The following OBI1 variants were observed in gnomAD, a reference collection of about 807,000 sequenced individuals.
OBI1 encodes ring finger protein 219.
Under a neutral mutation model 62.4 loss-of-function variants are expected in OBI1, and 59 were observed. That is an observed-to-expected ratio of 0.95 (90% CI 0.77 to 1.17). The LOEUF is 1.17. Ranked by LOEUF, OBI1 falls within the 50% of genes most tolerant of loss-of-function variation. OBI1 has a pLI of 0.00. For missense variants in OBI1, 875 were observed against 830.9 expected (o/e 1.05, Z -0.65); for synonymous variants, 302 against 292.8 (o/e 1.03, Z -0.32).
intron 1 of OBI1, among the ~76,000 whole-genome samples, chr13:78,656,800 T>TAA (rs1345386583): frequency 2.2e-4 from 31 of 140,176 alleles, no homozygotes; most frequent in Non-Finnish European, 2.5e-4. Flanking sequence ...TAATTTTTTT[T>TAA]TTTTTTTTTT....
intron 5 of OBI1, among the ~76,000 whole-genome samples, chr13:78,631,895 TG>T (rs1232346789): frequency 1.3e-5 from 2 of 152,158 alleles, no homozygotes; most frequent in African/African-American, 4.8e-5. Flanking sequence ...ATTATGGTAT[TG>T]TTTTTAAAAG....
intron 5 of OBI1, among the ~76,000 whole-genome samples, chr13:78,623,722 G>C (rs1875583294): frequency 6.6e-6 from 1 of 152,138 alleles, no homozygotes; most frequent in African/African-American, 2.4e-5. Flanking sequence ...AATGAACTAG[G>C]ATTCTTGTGC....
intron 1 of OBI1, among the ~76,000 whole-genome samples, chr13:78,650,743 C>CA (rs749761411): frequency 0.034 from 4,319 of 128,404 alleles, 97 homozygotes; most frequent in African/African-American, 0.07. Context: ...AGCAATCCCT[C>CA]AAAAAAAAAA....
chr13:78,627,481 G>T (rs1388511707), intron 5 of OBI1, among the ~76,000 whole-genome samples: 4 of 152,034 alleles, frequency 2.6e-5, no homozygotes, highest in African/African-American at 9.7e-5. Flanking sequence ...CTGTGTCCAT[G>T]TGCTCTCAAT....
chr13:78,623,649 C>T (rs1010271974), intron 5 of OBI1, among the ~76,000 whole-genome samples: 1 of 152,102 alleles, frequency 6.6e-6, no homozygotes, highest in African/African-American at 2.4e-5. Flanking sequence ...ATATCAGTAC[C>T]TATTTATATT....
Position 78,615,970 on chromosome 13 carries a change from A to T in OBI1, c.1791T>A (p.Thr597=), listed in dbSNP as rs1163452291. The change falls in exon 6 of 6, where the codon ACT becomes ACA. Residue 597 remains threonine, a synonymous_variant. Transcript: ENST00000282003. Reference sequence around the variant, plus strand: ...CACTTCCATTTTCTAACTGATCATTAGTTAGAGAACCTTTGGAAAGGTTTA... The same window carrying T: ...CACTTCCATTTTCTAACTGATCATTTGTTAGAGAACCTTTGGAAAGGTTTA... The part of the protein sequence containing the change: ...TELNLSKGSL[T]NDQLENGSEW... 1.2e-6 allele frequency: 2 copies of T among 1,613,950 alleles called. No individual in the cohort carries two copies. The highest frequency in any genetic ancestry group is 8.5e-7 in the Non-Finnish European group (1 of 1,179,980).
Position 78,659,091 on chromosome 13 carries a change from CAATGTAACAT to C in OBI1, c.20_29del (p.Asn7SerfsTer37). Reference sequence around the variant, plus strand: ...GGCACGTGATGGGCAGAGTGAGCGACAATGTAACATTCTGCACGGTCTGAGCCATGGCAGC... The same window carrying C: ...GGCACGTGATGGGCAGAGTGAGCGACTCTGCACGGTCTGAGCCATGGCAGC... On this transcript the variant is annotated frameshift_variant, in exon 1 of 6. Transcript: ENST00000282003. LOFTEE classifies it high-confidence loss of function. 3 of 1,612,684 alleles carry C rather than the reference CAATGTAACAT, an allele frequency of 1.9e-6. No homozygotes were observed. The highest frequency in any genetic ancestry group is 2.5e-6 in the Non-Finnish European group (3 of 1,179,684).
intron 5 of OBI1, among the ~76,000 whole-genome samples, chr13:78,632,945 GCAGA>G (rs1449457236): frequency 1.3e-5 from 2 of 152,196 alleles, no homozygotes; most frequent in South Asian, 2.1e-4. Context: ...TTTTCTGAGC[GCAGA>G]CAGAGGCCAA....
At chr13:78,647,786 C>G (rs1418499895) in intron 1 of OBI1, among the ~76,000 whole-genome samples, 1 of 151,872 alleles carries the variant, frequency 6.6e-6, no homozygotes. Context: ...TGGCCCCCTT[C>G]AATGATGGGC....
intron 5 of OBI1, among the ~76,000 whole-genome samples, chr13:78,633,621 CT>C (rs1368533727): frequency 6.6e-6 from 1 of 152,030 alleles, no homozygotes; most frequent in Non-Finnish European, 1.5e-5. Flanking sequence ...CATTTGTCAT[CT>C]TTTTTTTCTG....
rs911679998 is a variant in OBI1 at position 78,647,797 on chromosome 13, A to G, written c.73-2800T>C. On this transcript the variant is annotated intron_variant, in intron 1 of 5. Transcript: ENST00000282003. ...GGGCTGGCCCCCTTCAATGATGGGC[A>G]GGTAATCATTTGAGTCTCGTTACAA... Among the ~76,000 whole-genome samples the G allele has an allele frequency of 5.3e-5, 8 of 150,210 alleles. No homozygotes were observed. The East Asian group carries it at 1.6e-3, about 29-fold the overall frequency.
chr13:78,642,598 T>C (rs745375736), intron 2 of OBI1, among the ~76,000 whole-genome samples: 7 of 151,696 alleles, frequency 4.6e-5, no homozygotes, highest in Non-Finnish European at 1.0e-4. Flanking sequence ...TAAAAATGTA[T>C]TACTGGCTGG....
intron 5 of OBI1, among the ~76,000 whole-genome samples, chr13:78,619,563 TATA>T (rs1460482446): frequency 1.3e-5 from 2 of 152,082 alleles, no homozygotes; most frequent in African/African-American, 2.4e-5. Context: ...TCTATAAATC[TATA>T]ATACTTTCAG....
At position 78,639,079 on chromosome 13, in the gene OBI1, A is replaced by G. The variant is rs1456000522; in HGVS notation, c.301-8T>C. 6.2e-7 allele frequency: 1 copy of G among 1,610,518 alleles called. No individual in the cohort carries two copies. The highest frequency in any genetic ancestry group is 8.5e-7 in the Non-Finnish European group (1 of 1,178,368). On this transcript the variant is annotated splice_polypyrimidine_tract_variant and splice_region_variant and intron_variant, in intron 3 of 5. Coordinates refer to ENST00000282003, the MANE Select transcript of OBI1 (RefSeq NM_024546.4). ...TAAACAATCTATTTCGTCCTGAAAA[A>G]GCATTGCATAGTCATGAGGCAGGCA...
rs143642076 is a variant in OBI1, at chr13:78,625,039, A to G, written c.639-7917T>C. On this transcript the variant is annotated intron_variant, in intron 5 of 5. Transcript: ENST00000282003. ...ATAAATTCTATTCTATTTGACAAATATATCTCATTTTGATTCCATGCAGAA... is the reference window on the plus strand; with the variant it reads ...ATAAATTCTATTCTATTTGACAAATGTATCTCATTTTGATTCCATGCAGAA... 2.2e-3 allele frequency among the ~76,000 whole-genome samples: 333 copies of G among 152,338 alleles called. 3 individuals carry two copies. The highest frequency in any genetic ancestry group is 6.8e-3 in the Middle Eastern group (2 of 294).
chr13:78,639,220 G>C, intron 3 of OBI1, 149 bp from the exon 4 acceptor site: 4 of 746,272 alleles, frequency 5.4e-6, no homozygotes, highest in Non-Finnish European at 8.0e-6. Context: ...TTTGCAGGGA[G>C]AAAGTCACAT....
rs539817382 is a variant in OBI1 at position 78,641,270 on chromosome 13, A to T, written c.300+852T>A. On this transcript the variant is annotated intron_variant, in intron 3 of 5. Transcript: ENST00000282003. ...ACTACTTACTATTTTAAATTGCAAT[A>T]CATTTCAACTTAAATAGCATTTTCA... Among the ~76,000 whole-genome samples, 76 of 152,352 alleles carry T rather than the reference A, an allele frequency of 5.0e-4. No homozygotes were observed. The South Asian group carries it at 0.015, about 30-fold the overall frequency.
At chr13:78,648,321 C>T (rs1333084665) in intron 1 of OBI1, among the ~76,000 whole-genome samples, 1 of 150,984 alleles carries the variant, frequency 6.6e-6, no homozygotes, top group Non-Finnish European at 1.5e-5. Flanking sequence ...CAGACACACA[C>T]ACCCCTGCAA....
chr13:78,639,903 TAGTG>T (rs1876157868), intron 3 of OBI1, among the ~76,000 whole-genome samples: 1 of 145,682 alleles, frequency 6.9e-6, no homozygotes, highest in African/African-American at 2.6e-5. Flanking sequence ...GATGACGAGT[TAGTG>T]GGTGCAGCGC....
Sources: allele counts gnomAD v4.1 joint callset (sites outside exome capture counted in the v4.1 genomes callset), GRCh38; gene constraint gnomAD v4.1.1; transcripts MANE v1.5; gene names NCBI Gene and HGNC (gene_info 2026-07-23, HGNC 2026-07-21).